RAB2A: variants seen among roughly 807,000 people sequenced by gnomAD.
The protein encoded by RAB2A is ras-related protein Rab-2A.
RAB2A carries 7 observed loss-of-function variants against 32.5 expected under a neutral mutation model. The observed-to-expected ratio is 0.22, with a 90% CI of 0.12 to 0.40. The LOEUF is 0.40. Among genes scored for constraint, RAB2A ranks in the 10% least tolerant of loss-of-function variants. The pLI is 1.00. For synonymous variants in RAB2A, 79 were observed against 85.2 expected (o/e 0.93, Z 0.40); for missense variants, 108 against 260.7 (o/e 0.41, Z 4.03).
chr8:60,622,289 A>G lies in RAB2A; in HGVS notation c.*1520A>G, dbSNP rs1359634976. The G allele has an allele frequency of 6.6e-6, 1 of 152,240 alleles. No individual in the cohort carries two copies. The allele number at this position is 152,240 out of a possible 1,614,324, so 9.4% of individuals were successfully genotyped here. ...GAAACTAACTACTTTCATTTCGCTC[A>G]TGGCCTTCAACTTTCTACAGGTCTT... On this transcript the variant is annotated 3_prime_UTR_variant, in exon 8 of 8. Transcript: ENST00000262646.
intron 3 of RAB2A, among the ~76,000 whole-genome samples, chr8:60,578,799 T>A (rs1489016828): frequency 6.6e-6 from 1 of 152,224 alleles, no homozygotes; most frequent in Non-Finnish European, 1.5e-5. Flanking sequence ...GAAAGCCAGT[T>A]TAAGGGATTC....
At chr8:60,523,360 T>C (rs1407785944) in intron 1 of RAB2A, among the ~76,000 whole-genome samples, 2 of 151,202 alleles carry the variant, frequency 1.3e-5, no homozygotes, top group East Asian at 3.9e-4. Flanking sequence ...GCTTTCACTG[T>C]GTTAGCCAGG....
chr8:60,582,039 G>A (rs1482378889), intron 3 of RAB2A, among the ~76,000 whole-genome samples: 4 of 150,394 alleles, frequency 2.7e-5, no homozygotes, highest in African/African-American at 4.9e-5. Context: ...TTGAACTCCT[G>A]GGCTCAAGTG....
intron 6 of RAB2A, among the ~76,000 whole-genome samples, chr8:60,611,943 G>C (rs1370442602): frequency 1.3e-5 from 2 of 152,150 alleles, no homozygotes; most frequent in African/African-American, 4.8e-5. Flanking sequence ...GCTATGTTAT[G>C]CTGCAGCAAC....
intron 1 of RAB2A, among the ~76,000 whole-genome samples, chr8:60,541,504 C>A (rs11787141): frequency 0.14 from 20,952 of 152,132 alleles, 1,584 homozygotes; most frequent in Middle Eastern, 0.21. Flanking sequence ...GCCTGGCCAA[C>A]ATGATGAAAC....
intron 3 of RAB2A, among the ~76,000 whole-genome samples, chr8:60,576,518 A>G (rs1803636486): frequency 2.0e-5 from 3 of 152,238 alleles, no homozygotes; most frequent in Non-Finnish European, 4.4e-5. Flanking sequence ...CCTATTTTAC[A>G]TGTCTTATAT....
rs575198208 is a variant in RAB2A, at chr8:60,590,216, TC to T, written c.363-1639del. On this transcript the variant is annotated intron_variant, in intron 5 of 7. Coordinates refer to ENST00000262646, the MANE Select transcript of RAB2A (RefSeq NM_002865.3). ...CCTGAGGTGATCCACCCGCCTTGCC[TC>T]CCAAAGTGCCGTAATTACAGGTGTG... Among the ~76,000 whole-genome samples, 15 of 151,518 alleles carry T rather than the reference TC, an allele frequency of 9.9e-5. No homozygotes were observed. In the South Asian group the frequency reaches 3.1e-3, roughly 31 times the overall value.
At chr8:60,568,374 C>T (rs1808147411) in intron 2 of RAB2A, among the ~76,000 whole-genome samples, 1 of 150,496 alleles carries the variant, frequency 6.6e-6, no homozygotes. Flanking sequence ...CAGGGTCTCT[C>T]ATCATTAGTC....
chr8:60,611,314 C>G (rs1026377346), intron 6 of RAB2A, among the ~76,000 whole-genome samples: 1 of 152,104 alleles, frequency 6.6e-6, no homozygotes, highest in Non-Finnish European at 1.5e-5. Flanking sequence ...CGTTCCTGGC[C>G]GTCCTCAGCT....
intron 5 of RAB2A, among the ~76,000 whole-genome samples, chr8:60,591,194 C>T (rs976330281): frequency 2.0e-5 from 3 of 151,768 alleles, no homozygotes; most frequent in African/African-American, 7.3e-5. Flanking sequence ...CCCCTCCCCC[C>T]CACTAATAAA....
intron 6 of RAB2A, among the ~76,000 whole-genome samples, chr8:60,605,212 G>T (rs1349071440): frequency 1.3e-5 from 2 of 152,216 alleles, no homozygotes; most frequent in African/African-American, 2.4e-5. Context: ...GCTTCCATGT[G>T]GTGGTAAGCC....
chr8:60,538,331 A>G (rs920207675), intron 1 of RAB2A, among the ~76,000 whole-genome samples: 4 of 152,248 alleles, frequency 2.6e-5, no homozygotes, highest in Admixed American at 6.5e-5. Flanking sequence ...CTAATGAAGG[A>G]TACGTTATTC....
At chr8:60,594,047 A>T (rs1803983553) in intron 6 of RAB2A, among the ~76,000 whole-genome samples, 2 of 152,180 alleles carry the variant, frequency 1.3e-5, no homozygotes, top group African/African-American at 4.8e-5. Flanking sequence ...AGTGAACTGG[A>T]TGATAGAACA....
At chr8:60,591,161 C>T (rs899629904) in intron 5 of RAB2A, among the ~76,000 whole-genome samples, 15 of 151,662 alleles carry the variant, frequency 9.9e-5, no homozygotes, top group African/African-American at 2.2e-4. Flanking sequence ...AAATAAAACA[C>T]GCTTTAAAAG....
At chr8:60,599,602 A>G (rs1344421163) in intron 6 of RAB2A, among the ~76,000 whole-genome samples, 2 of 152,218 alleles carry the variant, frequency 1.3e-5, no homozygotes, top group Non-Finnish European at 2.9e-5. Flanking sequence ...ATGGAACAGA[A>G]TAAGTAACCT....
In RAB2A at chr8:60,517,048, G is replaced by C. The variant is rs1356968935; in HGVS notation, c.-160G>C. The C allele has an allele frequency of 7.9e-6, 5 of 632,146 alleles. No individual in the cohort carries two copies. In the African/African-American group the frequency reaches 9.8e-5, roughly 12 times the overall value. The allele number at this position is 632,146 out of a possible 1,614,324, so 39.2% of individuals were successfully genotyped here. A position where few individuals can be genotyped will look rare whatever the true frequency, so the allele number is the denominator to read the frequency against. ...CGGCTCTGCGGGTGTCAGTTCGTCCGGCTTCCTCACAGCCCCTCACTCCCG... is the reference window on the plus strand; with the variant it reads ...CGGCTCTGCGGGTGTCAGTTCGTCCCGCTTCCTCACAGCCCCTCACTCCCG... On this transcript the variant is annotated 5_prime_UTR_variant, in exon 1 of 8. Transcript: ENST00000262646.
chr8:60,571,363 A>C (rs1041134449), intron 2 of RAB2A, among the ~76,000 whole-genome samples: 3 of 152,228 alleles, frequency 2.0e-5, no homozygotes, highest in Non-Finnish European at 2.9e-5. Flanking sequence ...ACACAAAAGA[A>C]TATTATGCAG....
chr8:60,543,014 A>C lies in RAB2A; in HGVS notation c.47-15838A>C, dbSNP rs187803230. 8.3e-4 allele frequency among the ~76,000 whole-genome samples: 127 copies of C among 152,262 alleles called. 1 individual carries two copies. The highest frequency in any genetic ancestry group is 2.8e-3 in the African/African-American group (118 of 41,544). On this transcript the variant is annotated intron_variant, in intron 1 of 7. Transcript: ENST00000262646. ...TCTCAAATAAATGCTCTGTATTCCC[A>C]ATTTTCTTTTCCCACACCACTCAAT...
intron 6 of RAB2A, among the ~76,000 whole-genome samples, chr8:60,610,033 C>T (rs980549970): frequency 6.6e-6 from 1 of 150,818 alleles, no homozygotes; most frequent in Non-Finnish European, 1.5e-5. Flanking sequence ...CCTTCAGTAG[C>T]TGCCTGGAAT....
Sources: gnomAD v4.1 joint callset for allele counts (sites outside exome capture counted in the v4.1 genomes callset) on GRCh38, gnomAD v4.1.1 for gene constraint, MANE v1.5 for transcripts, NCBI Gene and HGNC (gene_info 2026-07-23, HGNC 2026-07-21) for gene names.